Variants in OSBPL1A observed in about 807,000 individuals in gnomAD.
OSBPL1A encodes the protein oxysterol binding protein like 1A.
OSBPL1A carries 80 observed loss-of-function variants against 137.1 expected under a neutral mutation model. The observed-to-expected ratio is 0.58, with a 90% CI of 0.49 to 0.70. The LOEUF is 0.70. Ranked by LOEUF, OSBPL1A falls within the 30% of genes least tolerant of loss-of-function variation. The pLI is 0.00. For synonymous variants in OSBPL1A, 365 were observed against 389.7 expected (o/e 0.94, Z 0.75); for missense variants, 970 against 1,129.4 (o/e 0.86, Z 2.02).
chr18:24,356,177 AAAG>A (rs1049432887), intron 4 of OSBPL1A, among the ~76,000 whole-genome samples: 3 of 77,352 alleles, frequency 3.9e-5, no homozygotes, highest in African/African-American at 2.3e-4. Flanking sequence ...CTCCATCTCA[AAAG>A]AAAAAAAAAA....
intron 25 of OSBPL1A, 51 bp downstream of exon 25, chr18:24,167,278 C>T (rs760885297): frequency 1.3e-6 from 2 of 1,533,352 alleles, no homozygotes; most frequent in African/African-American, 2.7e-5. Flanking sequence ...GAAAGAGCGC[C>T]ACAATGCTAA....
chr18:24,270,679 G>A (rs558171596), intron 15 of OSBPL1A, among the ~76,000 whole-genome samples: 1 of 152,228 alleles, frequency 6.6e-6, no homozygotes, highest in Non-Finnish European at 1.5e-5. Context: ...ATTTGATTTG[G>A]AGAGGAGATT....
intron 14 of OSBPL1A, among the ~76,000 whole-genome samples, chr18:24,285,908 GC>G (rs1599616077): frequency 6.6e-6 from 1 of 152,150 alleles, no homozygotes; most frequent in East Asian, 1.9e-4. Context: ...TGTAATCCCA[GC>G]ACTTTGGGAG....
At position 24,179,830 on chromosome 18, in the gene OSBPL1A, TAC is replaced by T; in HGVS notation, c.1816_1817del (p.Val606SerfsTer28). 6.2e-7 allele frequency: 1 copy of T among 1,613,890 alleles called. No homozygotes were observed. The highest frequency in any genetic ancestry group is 8.5e-7 in the Non-Finnish European group (1 of 1,179,794). Reference sequence around the variant, plus strand: ...CAACAGCAGATACAGCAAACGCAGCTACACACTGTGGGACAGAGCATGAGAAC... The same window carrying T: ...CAACAGCAGATACAGCAAACGCAGCTACACTGTGGGACAGAGCATGAGAAC... The part of the protein sequence containing the change: ...LSDPVERMQC[V>X]AAFAVSAVAS... On this transcript the variant is annotated frameshift_variant, in exon 20 of 28. Transcript: ENST00000319481. LOFTEE classifies it high-confidence loss of function.
At chr18:24,335,264 A>C (rs1182944230) in intron 5 of OSBPL1A, among the ~76,000 whole-genome samples, 3 of 152,204 alleles carry the variant, frequency 2.0e-5, no homozygotes, top group Non-Finnish European at 4.4e-5. Context: ...ATACTAACTC[A>C]TTAAATCCTC....
chr18:24,354,073 T>A (rs1362202113), intron 4 of OSBPL1A, among the ~76,000 whole-genome samples: 2 of 150,880 alleles, frequency 1.3e-5, no homozygotes, highest in African/African-American at 4.9e-5. Flanking sequence ...ATAATAATAA[T>A]AAAATTTAAA....
chr18:24,292,312 G>A (rs2090188800), intron 14 of OSBPL1A, among the ~76,000 whole-genome samples: 1 of 152,154 alleles, frequency 6.6e-6, no homozygotes. Flanking sequence ...ATTAACTGTG[G>A]AAACCCTCTT....
At chr18:24,198,022 A>G (rs1450167311) in intron 17 of OSBPL1A, among the ~76,000 whole-genome samples, 1 of 152,070 alleles carries the variant, frequency 6.6e-6, no homozygotes, top group Non-Finnish European at 1.5e-5. Flanking sequence ...TCCTGACCTC[A>G]GGTGATCTAC....
chr18:24,194,123 A>G (rs2086962586), intron 18 of OSBPL1A, among the ~76,000 whole-genome samples: 1 of 152,254 alleles, frequency 6.6e-6, no homozygotes. Flanking sequence ...GAAAGGAATC[A>G]GTCAACAGAA....
chr18:24,233,123 T>C (rs943588789), intron 16 of OSBPL1A, among the ~76,000 whole-genome samples: 1 of 152,184 alleles, frequency 6.6e-6, no homozygotes, highest in African/African-American at 2.4e-5. Context: ...GCAGGAATTT[T>C]CCGTGAAACT....
At chr18:24,177,892 C>T (rs1341809782) in intron 21 of OSBPL1A, 121 bp downstream of exon 21, 1 of 914,040 alleles carries the variant, frequency 1.1e-6, no homozygotes, top group Middle Eastern at 3.3e-4. Flanking sequence ...AGACAGTTTG[C>T]ACTGTATGAA....
intron 15 of OSBPL1A, among the ~76,000 whole-genome samples, chr18:24,275,071 T>C (rs552791402): frequency 6.6e-6 from 1 of 152,262 alleles, no homozygotes; most frequent in South Asian, 2.1e-4. Flanking sequence ...TTAAATGTCC[T>C]TTGATTTAGC....
intron 5 of OSBPL1A, among the ~76,000 whole-genome samples, chr18:24,334,944 CA>C (rs1198711528): frequency 1.3e-5 from 2 of 152,246 alleles, no homozygotes; most frequent in Non-Finnish European, 2.9e-5. Flanking sequence ...GGCTGGAGTG[CA>C]GTGGCACAGT....
intron 1 of OSBPL1A, 124 bp from the exon 2 acceptor site, chr18:24,377,659 T>G: frequency 1.0e-6 from 1 of 984,550 alleles, no homozygotes; most frequent in Non-Finnish European, 1.4e-6. Context: ...ACACAACAAC[T>G]GAATAAATCC....
In OSBPL1A at chr18:24,172,535, T is replaced by TA; in HGVS notation, c.2094-53dup. 2.3e-6 allele frequency: 3 copies of TA among 1,296,546 alleles called. No homozygotes were observed. The East Asian group carries it at 6.9e-5, about 30-fold the overall frequency. The allele number at this position is 1,296,546 out of a possible 1,614,324, so 80.3% of individuals were successfully genotyped here. The stretch of plus-strand genomic sequence containing the variant: ...CATAAGTGAGAGGTATCACTTTGTT[T>TA]AAAAAGTACACTTGTTCCAAATGCC... On this transcript the variant is annotated intron_variant, in intron 21 of 27. Coordinates refer to ENST00000319481, the MANE Select transcript of OSBPL1A (RefSeq NM_080597.4).
Position 24,343,536 on chromosome 18 carries a change from A to T in OSBPL1A, c.283-1878T>A, listed in dbSNP as rs1599691793. ...AGCCAAAATAATATTTAAAAGAAGA[A>T]CAAAGTTAAAGATACATCTTGACTT... On this transcript the variant is annotated intron_variant, in intron 4 of 27. Transcript: ENST00000319481. Among the ~76,000 whole-genome samples the T allele has an allele frequency of 2.0e-5, 3 of 152,290 alleles. No homozygotes were observed. The South Asian group carries it at 6.2e-4, about 32-fold the overall frequency.
intron 15 of OSBPL1A, among the ~76,000 whole-genome samples, chr18:24,260,837 CAAAA>C (rs71373370): frequency 8.3e-6 from 1 of 120,456 alleles, no homozygotes; most frequent in East Asian, 3.3e-4. Context: ...TAAAAGAACT[CAAAA>C]AAAAAAAAAA....
At position 24,234,110 on chromosome 18, in the gene OSBPL1A, C is replaced by A. The variant is rs373941668; in HGVS notation, c.1444+5110G>T. Among the ~76,000 whole-genome samples the A allele has an allele frequency of 6.6e-5, 10 of 152,300 alleles. No individual in the cohort carries two copies. In the East Asian group the frequency reaches 1.9e-3, roughly 29 times the overall value. On this transcript the variant is annotated intron_variant, in intron 16 of 27. Coordinates refer to ENST00000319481, the MANE Select transcript of OSBPL1A (RefSeq NM_080597.4). Reference sequence around the variant, plus strand: ...TGGACAAAGTAGCAAAAAGAAAAAACAACACTGATAGGGTAGAAATATATA... The same window carrying A: ...TGGACAAAGTAGCAAAAAGAAAAAAAAACACTGATAGGGTAGAAATATATA...
In OSBPL1A at chr18:24,210,731, T is replaced by C. The variant is rs148943296; in HGVS notation, c.1601+14311A>G. ...TCTTTCTTTTTTTAGCAATGGGGTCTCCCTATGTTACCCAGGATGGTCTCA... is the reference window on the plus strand; with the variant it reads ...TCTTTCTTTTTTTAGCAATGGGGTCCCCCTATGTTACCCAGGATGGTCTCA... On this transcript the variant is annotated intron_variant, in intron 17 of 27. Transcript: ENST00000319481. 2.6e-4 allele frequency among the ~76,000 whole-genome samples: 40 copies of C among 152,154 alleles called. No individual in the cohort carries two copies. In the East Asian group the frequency reaches 6.0e-3, roughly 23 times the overall value.
Sources: allele counts gnomAD v4.1 joint callset (sites outside exome capture counted in the v4.1 genomes callset), GRCh38; gene constraint gnomAD v4.1.1; transcripts MANE v1.5; gene names NCBI Gene and HGNC (gene_info 2026-07-23, HGNC 2026-07-21).